ADGRL1: variants seen among roughly 807,000 people sequenced by gnomAD.
The protein encoded by ADGRL1 is adhesion G protein-coupled receptor L1, also known as CIRL-1.
In ADGRL1, 31 loss-of-function variants were observed where a neutral mutation model predicts 148.9. That is an observed-to-expected ratio of 0.21 (90% CI 0.16 to 0.28). The LOEUF (loss-of-function observed/expected upper bound fraction) is 0.28, where lower values mean the gene tolerates loss of function less well. Ranked by LOEUF, ADGRL1 falls within the 10% of genes least tolerant of loss-of-function variation. The pLI is 1.00. For synonymous variants in ADGRL1, 937 were observed against 900.3 expected (o/e 1.04, Z -0.73); for missense variants, 1,521 against 2,058.8 (o/e 0.74, Z 5.05).
chr19:14,205,493 C>T (rs1972932016), intron 1 of ADGRL1, among the ~76,000 whole-genome samples: 1 of 152,010 alleles, frequency 6.6e-6, no homozygotes, highest in South Asian at 2.1e-4. Context: ...GTGCCAGCCC[C>T]CGACACGGCT....
At chr19:14,151,676 TGA>T in intron 22 of ADGRL1, 61 bp from the exon 23 acceptor site, 1 of 1,475,088 alleles carries the variant, frequency 6.8e-7, no homozygotes, top group South Asian at 1.3e-5. Context: ...TAGGGGACAG[TGA>T]GGGGGTGCGG....
Position 14,161,756 on chromosome 19 carries a change from C to A in ADGRL1, c.1196-130G>T, listed in dbSNP as rs563950123. 3 of 625,984 alleles carry A rather than the reference C, an allele frequency of 4.8e-6. No individual in the cohort carries two copies. The East Asian group carries it at 1.0e-4, about 21-fold the overall frequency. The allele number at this position is 625,984 out of a possible 1,614,324, so 38.8% of individuals were successfully genotyped here. The stretch of plus-strand genomic sequence containing the variant: ...AAGTGGAAACACGTGCCGGGCCCCA[C>A]TGGGTCTATGAGTTGATCTCCCCTG... On this transcript the variant is annotated intron_variant, in intron 5 of 22. Transcript: ENST00000361434. This position sits in a 1 kb window ranked among gnomAD's most constrained non-coding sequence, Gnocchi z 4.4.
At chr19:14,195,434 C>T (rs944802466) in intron 1 of ADGRL1, among the ~76,000 whole-genome samples, 4 of 130,886 alleles carry the variant, frequency 3.1e-5, no homozygotes, top group Non-Finnish European at 4.6e-5. Flanking sequence ...CAACCCTCTG[C>T]GTGCTCGAGT....
At position 14,160,813 on chromosome 19, in the gene ADGRL1, G is replaced by A; in HGVS notation, c.1511-117C>T. The A allele has an allele frequency of 1.4e-6, 1 of 710,988 alleles. No individual in the cohort carries two copies. The highest frequency in any genetic ancestry group is 1.5e-5 in the South Asian group (1 of 66,208). The allele number at this position is 710,988 out of a possible 1,614,324, so 44.0% of individuals were successfully genotyped here. ...GGGGGACGAGCGGGCGAAGAGGGAG[G>A]TGAGGGAAACACGGAGAAACAGACA... On this transcript the variant is annotated intron_variant, in intron 6 of 22. Transcript: ENST00000361434. This position sits in a 1 kb window ranked among gnomAD's most constrained non-coding sequence, Gnocchi z 5.9.
At position 14,150,949 on chromosome 19, in the gene ADGRL1, C is replaced by A; in HGVS notation, c.4334G>T (p.Gly1445Val). Reference sequence around the variant, plus strand: ...CTCAAGGCCTGGGGCTGCCAGGTAGCCCTCGTGGCTAGGACGCCGCACCTG... The same window carrying A: ...CTCAAGGCCTGGGGCTGCCAGGTAGACCTCGTGGCTAGGACGCCGCACCTG... ...YYQVRRPSHE[G>V]YLAAPGLEGP... The change falls in exon 23 of 23, where the codon GGC becomes GTC. Residue 1445 changes from glycine to valine, a missense_variant. Gly to Val is a moderately radical substitution (Grantham distance 109, BLOSUM62 -3). This residue lies in a region of ADGRL1 where 390 missense variants were observed against 375.0 expected (regional missense o/e 1.04). Transcript: ENST00000361434. 1 of 1,609,726 alleles carries A rather than the reference C, an allele frequency of 6.2e-7. No homozygotes were observed. Among genetic ancestry groups the A allele is most frequent in the Non-Finnish European group, 8.5e-7 (1 of 1,178,808 alleles).
rs1970915699 is a variant in ADGRL1 at position 14,177,673 on chromosome 19, G to A, written c.142C>T (p.Leu48=). Residue 48 remains leucine (L), a synonymous_variant, in exon 3 of 23, where the codon CTG becomes TTG. Transcript: ENST00000361434. ...ELACEGYPIE[L]RCPGSDVIMV... is the part of the protein sequence containing the mutation. ...ATGACGTCGCTGCCGGGGCACCGCA[G>A]CTCGATGGGGTAGCCTTCACACGCC... The A allele has an allele frequency of 6.2e-7, 1 of 1,614,182 alleles. No homozygotes were observed. The highest frequency in any genetic ancestry group is 1.1e-5 in the South Asian group (1 of 91,092).
intron 1 of ADGRL1, among the ~76,000 whole-genome samples, chr19:14,198,180 G>A (rs1242925915): frequency 6.6e-6 from 1 of 152,016 alleles, no homozygotes; most frequent in Non-Finnish European, 1.5e-5. Flanking sequence ...GGGGAGGGGG[G>A]TCACAGAGGC....
chr19:14,195,994 G>T (rs143605803), intron 1 of ADGRL1, among the ~76,000 whole-genome samples: 1 of 151,934 alleles, frequency 6.6e-6, no homozygotes, highest in Non-Finnish European at 1.5e-5. Flanking sequence ...ATCCAGCCCC[G>T]TCAGGTCCTG....
intron 4 of ADGRL1, chr19:14,170,199 G>C (rs1463059787): frequency 6.4e-6 from 1 of 155,542 alleles, no homozygotes; most frequent in Non-Finnish European, 1.4e-5. Flanking sequence ...GAACGGTGTT[G>C]AGAGGGGCAG....
intron 4 of ADGRL1, among the ~76,000 whole-genome samples, chr19:14,167,465 A>G (rs1970087537): frequency 6.6e-6 from 1 of 152,048 alleles, no homozygotes; most frequent in Admixed American, 6.5e-5. Flanking sequence ...GGTGGGGTGG[A>G]TAAGCCACTC....
rs1483691673 is a variant in ADGRL1 at position 14,157,761 on chromosome 19, G to A, written c.2535+121C>T. The A allele has an allele frequency of 5.5e-6, 7 of 1,270,470 alleles. No homozygotes were observed. The highest frequency in any genetic ancestry group is 3.0e-5 in the South Asian group (2 of 66,500). The allele number at this position is 1,270,470 out of a possible 1,614,324, so 78.7% of individuals were successfully genotyped here. A position where few individuals can be genotyped will look rare whatever the true frequency, so the allele number is the denominator to read the frequency against. ...GGCCTCATGCCCCAGGCAAGACCAG[G>A]GGCCCCCCACACCCATGGGGCTAGC... On this transcript the variant is annotated intron_variant, in intron 13 of 22. Transcript: ENST00000361434. The surrounding 1 kb of genome is among the most constrained non-coding windows in gnomAD (Gnocchi z 7.5).
At chr19:14,188,463 C>A (rs553505232) in intron 1 of ADGRL1, among the ~76,000 whole-genome samples, 1 of 152,102 alleles carries the variant, frequency 6.6e-6, no homozygotes, top group Admixed American at 6.6e-5. Context: ...ATACTTCCAC[C>A]GGGAACTCCA....
intron 4 of ADGRL1, chr19:14,168,840 TCCAGCACTCACGAGGGG>T (rs1041299469): frequency 5.3e-5 from 8 of 152,278 alleles, no homozygotes; most frequent in Non-Finnish European, 8.8e-5. Flanking sequence ...CTACCAAGTG[TCCAGCACTCACGAGGGG>T]CCAGCAACTA....
In ADGRL1 at chr19:14,151,397, T is replaced by C; in HGVS notation, c.3886A>G (p.Lys1296Glu). ...GGGGGCTCAGGCGGTGGAGGGCCCTTGGCCGCGCTGCTGCTCCCCCGCAGG... is the reference window on the plus strand; with the variant it reads ...GGGGGCTCAGGCGGTGGAGGGCCCTCGGCCGCGCTGCTGCTCCCCCGCAGG... Reference protein sequence around the residue: ...NNLRGSSSAAKGPPPPEPPVP... With the variant: ...NNLRGSSSAAEGPPPPEPPVP... Residue 1296 changes from lysine to glutamate, a missense_variant, in exon 23 of 23, where the codon AAG becomes GAG. Coordinates refer to ENST00000361434, the MANE Select transcript of ADGRL1 (RefSeq NM_014921.5). The C allele has an allele frequency of 6.2e-7, 1 of 1,608,638 alleles. No individual in the cohort carries two copies. The highest frequency in any genetic ancestry group is 8.5e-7 in the Non-Finnish European group (1 of 1,178,008).
In ADGRL1 at chr19:14,161,348, T is replaced by C; in HGVS notation, c.1474A>G (p.Met492Val). Residue 492 changes from methionine (M) to valine (V), a missense_variant, in exon 6 of 23, where the codon ATG (methionine) becomes GTG (valine). Around this residue, in one of 8 missense-constraint regions of ADGRL1, gnomAD observed 270 missense variants for 320.4 expected, o/e 0.84. Coordinates refer to ENST00000361434, the MANE Select transcript of ADGRL1 (RefSeq NM_014921.5). This position sits in a 1 kb window ranked among gnomAD's most constrained non-coding sequence, Gnocchi z 4.4. Reference protein sequence around the residue: ...RVQWPATQQGMLVERPCPKGT... With the variant: ...RVQWPATQQGVLVERPCPKGT... ...TTGGGGCAGGGCCTCTCCACCAGCA[T>C]GCCCTGCTGGGTGGCCGGCCACTGG... The C allele has an allele frequency of 6.3e-7, 1 of 1,590,066 alleles. No individual in the cohort carries two copies. Among genetic ancestry groups the C allele is most frequent in the Middle Eastern group, 1.8e-4 (1 of 5,676 alleles).
chr19:14,201,416 C>T (rs547714390), intron 1 of ADGRL1, among the ~76,000 whole-genome samples: 35 of 93,006 alleles, frequency 3.8e-4, no homozygotes, highest in Middle Eastern at 4.6e-3. Context: ...AAGGCAGGGG[C>T]ATTTTTTTTT....
At chr19:14,204,984 GGTACA>G (rs1241793541) in intron 1 of ADGRL1, among the ~76,000 whole-genome samples, 1 of 152,114 alleles carries the variant, frequency 6.6e-6, no homozygotes, top group Non-Finnish European at 1.5e-5. Flanking sequence ...GGTCCAGGCA[GGTACA>G]GTGAGGTGTT....
rs1032807646 is a variant in ADGRL1 at position 14,166,895 on chromosome 19, C to T, written c.395-3489G>A. 10 of 1,061,398 alleles carry T rather than the reference C, an allele frequency of 9.4e-6. No individual in the cohort carries two copies. The highest frequency in any genetic ancestry group is 4.8e-5 in the East Asian group (2 of 41,798). 65.7% of individuals were successfully genotyped at this position (1,061,398 alleles called of 1,614,324 possible). ...GAGGACAACCCAGGGTGGGGGATACCGACCGGACCAAGTGTGGGTTGGGGA... is the reference window on the plus strand; with the variant it reads ...GAGGACAACCCAGGGTGGGGGATACTGACCGGACCAAGTGTGGGTTGGGGA... On this transcript the variant is annotated intron_variant, in intron 4 of 22. Coordinates refer to ENST00000361434, the MANE Select transcript of ADGRL1 (RefSeq NM_014921.5).
At chr19:14,177,849 A>T in intron 2 of ADGRL1, 105 bp from the exon 3 acceptor site, 2 of 1,013,552 alleles carry the variant, frequency 2.0e-6, no homozygotes, top group Non-Finnish European at 1.4e-6. Context: ...TGTGTCCTGG[A>T]AGCCAGCTGA....
Sources: allele counts gnomAD v4.1 joint callset (sites outside exome capture counted in the v4.1 genomes callset), GRCh38; gene constraint gnomAD v4.1.1; regional missense constraint gnomAD v4.1.1; non-coding constraint Gnocchi (gnomAD v3.1); transcripts MANE v1.5; gene names NCBI Gene and HGNC (gene_info 2026-07-23, HGNC 2026-07-21).